PTPRR: variants seen among roughly 807,000 people sequenced by gnomAD.
The protein encoded by PTPRR is protein tyrosine phosphatase receptor type R.
PTPRR carries 38 observed loss-of-function variants against 77.2 expected under a neutral mutation model. That is an observed-to-expected ratio of 0.49 (90% CI 0.38 to 0.65). PTPRR has a LOEUF of 0.65. Ranked by LOEUF, PTPRR falls within the 30% of genes least tolerant of loss-of-function variation. The pLI, the probability that PTPRR is intolerant of heterozygous loss-of-function variation, is 0.00. For synonymous variants in PTPRR, 299 were observed against 283.1 expected, an observed-to-expected ratio of 1.06 and a Z score of -0.57; for missense variants, 744 against 799.2, an observed-to-expected ratio of 0.93 and a Z score of 0.83.
intron 6 of PTPRR, among the ~76,000 whole-genome samples, chr12:70,707,991 T>C (rs1888679849): frequency 6.6e-6 from 1 of 152,094 alleles, no homozygotes; most frequent in South Asian, 2.1e-4. Context: ...CGGACCTGTG[T>C]CCCAGGCAGA....
At chr12:70,754,775 A>G in intron 4 of PTPRR, 1 of 1,508,634 alleles carries the variant, frequency 6.6e-7, no homozygotes. Flanking sequence ...ATACAGCAAC[A>G]ATGCCAGCAT....
At chr12:70,764,008 CTT>C (rs1249116948) in intron 3 of PTPRR, among the ~76,000 whole-genome samples, 82 of 132,094 alleles carry the variant, frequency 6.2e-4, no homozygotes, top group Admixed American at 9.2e-4. Context: ...TTTGGGTTTA[CTT>C]TTTTTTTTTT....
chr12:70,729,342 A>G (rs374756607), intron 6 of PTPRR, among the ~76,000 whole-genome samples: 8 of 92,526 alleles, frequency 8.6e-5, no homozygotes, highest in Admixed American at 6.5e-4. Context: ...CTATCTATCT[A>G]TCTATCTATC....
At chr12:70,829,681 G>C (rs1436686020) in intron 2 of PTPRR, among the ~76,000 whole-genome samples, 1 of 152,010 alleles carries the variant, frequency 6.6e-6, no homozygotes, top group African/African-American at 2.4e-5. Flanking sequence ...TTTCAATTAG[G>C]GATATACCAG....
At chr12:70,793,352 T>C (rs890843501) in intron 2 of PTPRR, among the ~76,000 whole-genome samples, 5 of 152,166 alleles carry the variant, frequency 3.3e-5, no homozygotes, top group African/African-American at 7.2e-5. Context: ...TGAAGAATTG[T>C]AACAGGAGAT....
intron 2 of PTPRR, among the ~76,000 whole-genome samples, chr12:70,771,310 A>G (rs1890971088): frequency 6.6e-6 from 1 of 152,114 alleles, no homozygotes; most frequent in African/African-American, 2.4e-5. Flanking sequence ...GAAACCATAT[A>G]CTGCATGTTC....
intron 10 of PTPRR, among the ~76,000 whole-genome samples, chr12:70,665,276 C>G (rs140081922): frequency 1.3e-5 from 2 of 149,036 alleles, no homozygotes; most frequent in East Asian, 4.0e-4. Context: ...TTATCAAACT[C>G]TGACTGAAAA....
At chr12:70,802,928 A>T (rs1482310590) in intron 2 of PTPRR, among the ~76,000 whole-genome samples, 4 of 152,234 alleles carry the variant, frequency 2.6e-5, no homozygotes, top group African/African-American at 9.6e-5. Flanking sequence ...TTTGGTCTAC[A>T]TATGTCAAAT....
intron 6 of PTPRR, among the ~76,000 whole-genome samples, chr12:70,718,779 A>G (rs1261976885): frequency 6.6e-6 from 1 of 152,246 alleles, no homozygotes; most frequent in Non-Finnish European, 1.5e-5. Context: ...CAAGGATTCA[A>G]TTATAATGGG....
chr12:70,816,585 C>A (rs897305817), intron 2 of PTPRR, among the ~76,000 whole-genome samples: 2 of 151,788 alleles, frequency 1.3e-5, no homozygotes, highest in Non-Finnish European at 2.9e-5. Flanking sequence ...TACTAGTATA[C>A]TAGTAATACT....
chr12:70,749,041 A>T (rs1890305329), intron 5 of PTPRR, among the ~76,000 whole-genome samples: 1 of 152,240 alleles, frequency 6.6e-6, no homozygotes, highest in Admixed American at 6.5e-5. Flanking sequence ...GCACACATTT[A>T]CCAGTTCCAT....
At chr12:70,879,041 GA>G (rs1279120013) in intron 2 of PTPRR, among the ~76,000 whole-genome samples, 1 of 152,058 alleles carries the variant, frequency 6.6e-6, no homozygotes, top group Non-Finnish European at 1.5e-5. Context: ...TCATAGGTGG[GA>G]ATTGAACAAT....
Position 70,746,091 on chromosome 12 carries a change from A to G in PTPRR, c.739-5T>C. 2 of 1,604,568 alleles carry G rather than the reference A, an allele frequency of 1.2e-6. No individual in the cohort carries two copies. The highest frequency in any genetic ancestry group is 1.7e-6 in the Non-Finnish European group (2 of 1,174,942). ...TTCTTTTAATCTGTAAAGAATCTATAGAAGGAGATATAAAAAACTCCTGTC... is the reference window on the plus strand; with the variant it reads ...TTCTTTTAATCTGTAAAGAATCTATGGAAGGAGATATAAAAAACTCCTGTC... On this transcript the variant is annotated splice_polypyrimidine_tract_variant and splice_region_variant and intron_variant, in intron 5 of 13. Coordinates refer to ENST00000283228, the MANE Select transcript of PTPRR (RefSeq NM_002849.4).
chr12:70,862,374 A>G (rs925930485), intron 2 of PTPRR, among the ~76,000 whole-genome samples: 1 of 151,928 alleles, frequency 6.6e-6, no homozygotes, highest in African/African-American at 2.4e-5. Flanking sequence ...ATTAAAGAAA[A>G]TGTGGCACAT....
intron 13 of PTPRR, among the ~76,000 whole-genome samples, chr12:70,646,362 C>A (rs565826998): frequency 6.6e-6 from 1 of 152,262 alleles, no homozygotes; most frequent in East Asian, 1.9e-4. Context: ...AACATAGACA[C>A]CTTCTCCAAA....
intron 6 of PTPRR, among the ~76,000 whole-genome samples, chr12:70,703,196 C>A (rs1888496160): frequency 6.6e-6 from 1 of 152,072 alleles, no homozygotes; most frequent in Non-Finnish European, 1.5e-5. Flanking sequence ...ATAAATGTTA[C>A]CAATATTACT....
intron 7 of PTPRR, among the ~76,000 whole-genome samples, chr12:70,699,610 C>T (rs1410748111): frequency 1.3e-5 from 2 of 152,166 alleles, no homozygotes; most frequent in Non-Finnish European, 2.9e-5. Context: ...CAACACCTGG[C>T]CCCAAGTTAC....
intron 2 of PTPRR, among the ~76,000 whole-genome samples, chr12:70,808,001 C>T (rs937727689): frequency 1.3e-5 from 2 of 152,052 alleles, no homozygotes; most frequent in South Asian, 2.1e-4. Flanking sequence ...TTACTGAAAA[C>T]GGGTAAGAGA....
At chr12:70,854,293 C>T (rs139659248) in intron 2 of PTPRR, among the ~76,000 whole-genome samples, 335 of 152,238 alleles carry the variant, frequency 2.2e-3, no homozygotes, top group Middle Eastern at 6.8e-3. Flanking sequence ...AGAAGGAAAA[C>T]GCAGAGCAAA....
Sources: gnomAD v4.1 joint callset for allele counts (sites outside exome capture counted in the v4.1 genomes callset) on GRCh38, gnomAD v4.1.1 for gene constraint, MANE v1.5 for transcripts, NCBI Gene and HGNC (gene_info 2026-07-23, HGNC 2026-07-21) for gene names.